Variants in SLC25A26 observed in about 807,000 individuals in gnomAD.
SLC25A26 encodes solute carrier family 25 member 26.
In SLC25A26, 36 loss-of-function variants were observed where a neutral mutation model predicts 37.8. That is an observed-to-expected ratio of 0.95 (90% CI 0.73 to 1.26). SLC25A26 has a LOEUF of 1.26. Among genes scored for constraint, SLC25A26 ranks in the 50% most tolerant of loss-of-function variants. The probability of loss-of-function intolerance (pLI) is 0.00; values close to 1 mark genes in which losing one functional copy is unlikely to be tolerated. For synonymous variants in SLC25A26, 129 were observed against 122.5 expected (o/e 1.05, Z -0.35); for missense variants, 390 against 331.1 (o/e 1.18, Z -1.38).
At chr3:66,226,065 C>G (rs782205500) in intron 1 of SLC25A26, among the ~76,000 whole-genome samples, 50 of 152,174 alleles carry the variant, frequency 3.3e-4, no homozygotes, top group Non-Finnish European at 5.9e-4. Context: ...TTTCAGGTAT[C>G]TTTATAGTAG....
At chr3:66,166,539 G>A (rs1559557526) in intron 1 of SLC25A26, among the ~76,000 whole-genome samples, 1 of 152,166 alleles carries the variant, frequency 6.6e-6, no homozygotes, top group South Asian at 2.1e-4. Flanking sequence ...CTGTCTTTTG[G>A]AATGGAAGGC....
intron 5 of SLC25A26, among the ~76,000 whole-genome samples, chr3:66,336,299 G>T (rs1024031184): frequency 1.3e-5 from 2 of 152,000 alleles, no homozygotes; most frequent in Admixed American, 6.6e-5. Flanking sequence ...GTTTCTTGAC[G>T]CATTGGTCAT....
chr3:66,371,284 C>T lies in SLC25A26; in HGVS notation c.707+682C>T, dbSNP rs181881853. The stretch of plus-strand genomic sequence containing the variant: ...GGTCGGTCGGCAGCTGCCTGGACTT[C>T]GGGCGTCTCAGCTGGCAGTGCCACC... On this transcript the variant is annotated intron_variant, in intron 9 of 9. Transcript: ENST00000354883. 626 of 1,549,786 alleles carry T rather than the reference C, an allele frequency of 4.0e-4. 7 individuals carry two copies. In the African/African-American group the frequency reaches 4.9e-3, roughly 12 times the overall value.
At chr3:66,291,690 T>G (rs2074714736) in intron 5 of SLC25A26, among the ~76,000 whole-genome samples, 1 of 152,216 alleles carries the variant, frequency 6.6e-6, no homozygotes, top group African/African-American at 2.4e-5. Context: ...TCCATTTTTT[T>G]ACATTTGCTG....
intron 1 of SLC25A26, among the ~76,000 whole-genome samples, chr3:66,169,552 C>T (rs1459920793): frequency 1.3e-5 from 2 of 152,154 alleles, no homozygotes; most frequent in African/African-American, 2.4e-5. Context: ...TGTTTTATTT[C>T]GTATGTTGCT....
chr3:66,175,124 TATATATATATATATATACACACAC>T (rs2070561975), intron 1 of SLC25A26, among the ~76,000 whole-genome samples: 2 of 91,230 alleles, frequency 2.2e-5, no homozygotes, highest in South Asian at 7.0e-4. Flanking sequence ...TATATATATA[TATATATATATATATATACACACAC>T]ACACACACAC....
At chr3:66,195,404 C>G (rs955231497) in intron 1 of SLC25A26, among the ~76,000 whole-genome samples, 2 of 152,338 alleles carry the variant, frequency 1.3e-5, no homozygotes, top group East Asian at 1.9e-4. Context: ...TCCGCAGCCC[C>G]GGGAGTGCCT....
At chr3:66,311,781 T>C (rs960934117) in intron 5 of SLC25A26, among the ~76,000 whole-genome samples, 1 of 152,126 alleles carries the variant, frequency 6.6e-6, no homozygotes, top group Admixed American at 6.5e-5. Flanking sequence ...TTGCTGGACG[T>C]TCATTTCAGA....
At chr3:66,211,944 C>A (rs1261853287) in intron 1 of SLC25A26, among the ~76,000 whole-genome samples, 1 of 152,180 alleles carries the variant, frequency 6.6e-6, no homozygotes, top group Non-Finnish European at 1.5e-5. Context: ...TCTTCCCCAA[C>A]TGATACTCTG....
chr3:66,193,831 A>T lies in SLC25A26; in HGVS notation c.-353-26911A>T, dbSNP rs907315882. ...AAACAAACAATATTAACCTAGATAA[A>T]CAGTCCTATCATCACACGGACAAGA... On this transcript the variant is annotated intron_variant, in intron 1 of 10. Coordinates refer to the SLC25A26 transcript ENST00000676754. Among the ~76,000 whole-genome samples, 440 of 152,318 alleles carry T rather than the reference A, an allele frequency of 2.9e-3. 1 individual carries two copies. The highest frequency in any genetic ancestry group is 4.1e-3 in the Non-Finnish European group (282 of 68,036).
chr3:66,315,881 T>A (rs1438376642), intron 5 of SLC25A26, among the ~76,000 whole-genome samples: 1 of 152,212 alleles, frequency 6.6e-6, no homozygotes, highest in East Asian at 1.9e-4. Context: ...CTTTTTTGTC[T>A]TTTTTAATGT....
chr3:66,271,456 A>G (rs1239210313), intron 5 of SLC25A26, among the ~76,000 whole-genome samples: 1 of 152,134 alleles, frequency 6.6e-6, no homozygotes, highest in Non-Finnish European at 1.5e-5. Context: ...TCATAGTTCT[A>G]TTCCAGAACT....
At chr3:66,355,853 A>T (rs2076561918) in intron 6 of SLC25A26, among the ~76,000 whole-genome samples, 1 of 152,200 alleles carries the variant, frequency 6.6e-6, no homozygotes, top group African/African-American at 2.4e-5. Flanking sequence ...AGTGAGACCT[A>T]CCCAGAGGAT....
At chr3:66,375,853 A>T (rs994430160) in intron 9 of SLC25A26, among the ~76,000 whole-genome samples, 8 of 151,890 alleles carry the variant, frequency 5.3e-5, no homozygotes, top group Admixed American at 2.6e-4. Context: ...ATTAAATTTC[A>T]TAAGGCTACA....
intron 5 of SLC25A26, among the ~76,000 whole-genome samples, chr3:66,292,352 G>A (rs2074741676): frequency 6.6e-6 from 1 of 152,032 alleles, no homozygotes; most frequent in African/African-American, 2.4e-5. Flanking sequence ...TACGATGCTA[G>A]GCAAAATAAC....
intron 5 of SLC25A26, among the ~76,000 whole-genome samples, chr3:66,266,576 CTTTTTTTTT>C (rs1004250488): frequency 1.8e-5 from 2 of 111,564 alleles, no homozygotes; most frequent in Non-Finnish European, 3.5e-5. Context: ...TGTTGTCACA[CTTTTTTTTT>C]TTTTTTTTTT....
intron 1 of SLC25A26, among the ~76,000 whole-genome samples, chr3:66,225,798 T>C (rs1276255201): frequency 6.6e-6 from 1 of 152,178 alleles, no homozygotes; most frequent in African/African-American, 2.4e-5. Flanking sequence ...TTCACAGATC[T>C]CTAGGGCAGG....
rs1700822673 is a variant in SLC25A26, at chr3:66,378,599, A to C, written c.*792A>C. ...ATGAAATGGAAAGGTCACCACACTT[A>C]GGGATTTTAGACCTTGACTAACAAG... On this transcript the variant is annotated 3_prime_UTR_variant, in exon 10 of 10. Transcript: ENST00000354883. 6.6e-6 allele frequency: 1 copy of C among 152,424 alleles called. No individual in the cohort carries two copies. Among genetic ancestry groups the C allele is most frequent in the South Asian group, 2.1e-4 (1 of 4,830 alleles). The allele number at this position is 152,424 out of a possible 1,614,324, so 9.4% of individuals were successfully genotyped here.
chr3:66,265,306 A>G (rs191978489), intron 5 of SLC25A26, among the ~76,000 whole-genome samples: 1 of 152,332 alleles, frequency 6.6e-6, no homozygotes, highest in Admixed American at 6.5e-5. Flanking sequence ...CCCTGTCTCA[A>G]AAAAGAAAAA....
Sources: allele counts gnomAD v4.1 joint callset (sites outside exome capture counted in the v4.1 genomes callset), GRCh38; gene constraint gnomAD v4.1.1; transcripts MANE v1.5; gene names NCBI Gene and HGNC (gene_info 2026-07-23, HGNC 2026-07-21).